HBS1L: variants seen among roughly 807,000 people sequenced by gnomAD.
The protein encoded by HBS1L is HBS1-like protein.
In HBS1L, 55 loss-of-function variants were observed where a neutral mutation model predicts 88.9. That is an observed-to-expected ratio of 0.62 (90% CI 0.50 to 0.77). The LOEUF (loss-of-function observed/expected upper bound fraction) is 0.77, where lower values mean the gene tolerates loss of function less well. Ranked by LOEUF, HBS1L falls within the 30% of genes least tolerant of loss-of-function variation. HBS1L has a pLI of 0.00. For synonymous variants in HBS1L, 267 were observed against 288.5 expected, an observed-to-expected ratio of 0.93 and a Z score of 0.76; for missense variants, 741 against 829.3, an observed-to-expected ratio of 0.89 and a Z score of 1.31.
At chr6:134,986,286 A>G (rs182466638) in intron 10 of HBS1L, 103 bp from the exon 11 acceptor site, 3 of 664,874 alleles carry the variant, frequency 4.5e-6, no homozygotes, top group Non-Finnish European at 8.0e-6. Flanking sequence ...GCAACAATGT[A>G]CTTTTTAAAA....
rs369506624 is a variant in HBS1L, at chr6:134,967,874, T to C, written c.1898+1364A>G. Among the ~76,000 whole-genome samples the C allele has an allele frequency of 1.3e-5, 2 of 152,308 alleles. 1 individual carries two copies. The highest frequency in any genetic ancestry group is 4.1e-4 in the South Asian group (2 of 4,830). On this transcript the variant is annotated intron_variant, in intron 16 of 17. Transcript: ENST00000367837. ...CAATACAGCCTAAAAATAGTGGTCCTCAAGAAATGTTAGTCATATAGTTAT... is the reference window on the plus strand; with the variant it reads ...CAATACAGCCTAAAAATAGTGGTCCCCAAGAAATGTTAGTCATATAGTTAT...
intron 4 of HBS1L, among the ~76,000 whole-genome samples, chr6:135,028,094 G>A (rs1776285515): frequency 1.3e-5 from 2 of 152,022 alleles, no homozygotes; most frequent in South Asian, 4.1e-4. Flanking sequence ...AATTAAAAAT[G>A]CATGTATGTT....
At chr6:134,978,931 A>T in intron 14 of HBS1L, 144 bp from the exon 15 acceptor site, 1 of 628,414 alleles carries the variant, frequency 1.6e-6, no homozygotes, top group Non-Finnish European at 2.8e-6. Context: ...GAGCTAAAGC[A>T]TGACTTTAAA....
In HBS1L at chr6:134,961,352, A is replaced by G. The variant is rs1188684217; in HGVS notation, c.*3927T>C. The G allele has an allele frequency of 6.6e-6, 1 of 152,148 alleles. No individual in the cohort carries two copies. Among genetic ancestry groups the G allele is most frequent in the African/African-American group, 2.4e-5 (1 of 41,430 alleles). The allele number at this position is 152,148 out of a possible 1,614,324, so 9.4% of individuals were successfully genotyped here. ...ACATTTACACTATTAACTTATTTGTACATACTTAAATGGTTTCAGTGTGAA... is the reference window on the plus strand; with the variant it reads ...ACATTTACACTATTAACTTATTTGTGCATACTTAAATGGTTTCAGTGTGAA... On this transcript the variant is annotated 3_prime_UTR_variant, in exon 18 of 18. Coordinates refer to ENST00000367837, the MANE Select transcript of HBS1L (RefSeq NM_006620.4).
At chr6:134,987,223 T>G (rs1193633499) in intron 9 of HBS1L, among the ~76,000 whole-genome samples, 1 of 152,066 alleles carries the variant, frequency 6.6e-6, no homozygotes, top group Admixed American at 6.6e-5. Flanking sequence ...AGAAAATTAT[T>G]TTTTAAAAAG....
chr6:135,012,577 A>G lies in HBS1L; in HGVS notation c.431-9735T>C, dbSNP rs115866478. Among the ~76,000 whole-genome samples, 466 of 152,158 alleles carry G rather than the reference A, an allele frequency of 3.1e-3. 1 individual carries two copies. The highest frequency in any genetic ancestry group is 0.011 in the African/African-American group (456 of 41,500). On this transcript the variant is annotated intron_variant, in intron 4 of 17. Coordinates refer to ENST00000367837, the MANE Select transcript of HBS1L (RefSeq NM_006620.4). ...TTCATCATCTCAGCTAATAAAATAT[A>G]CTCTGTAGCTCTGTACAGAAAAAAT...
At chr6:135,009,934 T>C (rs1327701254) in intron 4 of HBS1L, among the ~76,000 whole-genome samples, 1 of 152,000 alleles carries the variant, frequency 6.6e-6, no homozygotes, top group Admixed American at 6.6e-5. Context: ...CCGGCCTAAA[T>C]ATTCTTTGGA....
At chr6:135,038,058 G>T in intron 4 of HBS1L, 1 of 1,445,058 alleles carries the variant, frequency 6.9e-7, no homozygotes, top group Non-Finnish European at 9.1e-7. Context: ...ATTTTCAGAT[G>T]AATAGGTTGA....
intron 2 of HBS1L, among the ~76,000 whole-genome samples, chr6:135,044,782 A>G (rs1776858092): frequency 6.6e-6 from 1 of 152,080 alleles, no homozygotes; most frequent in Non-Finnish European, 1.5e-5. Context: ...TTCTCCTCCT[A>G]CCCATGAACT....
chr6:134,965,843 AAG>A (rs1774298359), intron 17 of HBS1L, among the ~76,000 whole-genome samples: 1 of 152,210 alleles, frequency 6.6e-6, no homozygotes, highest in African/African-American at 2.4e-5. Flanking sequence ...AGCAACTTAA[AAG>A]AAAGATTTTT....
At chr6:135,050,694 T>C (rs1480538695) in intron 1 of HBS1L, 47 bp from the exon 2 acceptor site, 1 of 1,203,148 alleles carries the variant, frequency 8.3e-7, no homozygotes, top group East Asian at 2.5e-5. Flanking sequence ...GTTCTTTTTA[T>C]ATTCTTAGTT....
At chr6:135,000,040 C>CT (rs1192508703) in intron 5 of HBS1L, among the ~76,000 whole-genome samples, 5 of 151,246 alleles carry the variant, frequency 3.3e-5, no homozygotes, top group Non-Finnish European at 2.9e-5. Context: ...ATTTTGTAAG[C>CT]TTTTTTTCTT....
chr6:134,967,235 T>G (rs1202217310), intron 16 of HBS1L, among the ~76,000 whole-genome samples: 1 of 152,232 alleles, frequency 6.6e-6, no homozygotes, highest in African/African-American at 2.4e-5. Context: ...TTTTCTAATT[T>G]AATTTTTATG....
chr6:135,035,701 A>C (rs1776517799), intron 4 of HBS1L, among the ~76,000 whole-genome samples: 1 of 141,994 alleles, frequency 7.0e-6, no homozygotes, highest in African/African-American at 2.6e-5. Context: ...CAGTGAGCAG[A>C]GATCGCGCCA....
rs776801268 is a variant in HBS1L at position 134,960,871 on chromosome 6, C to T, written c.*4408G>A. On this transcript the variant is annotated 3_prime_UTR_variant, in exon 18 of 18. Transcript: ENST00000367837. ...CACCCAACGGATCAGTTATTTTTGT[C>T]TCCCCAGTACATCTGTGCCCTTTCT... The T allele has an allele frequency of 6.6e-6, 1 of 152,106 alleles. No individual in the cohort carries two copies. Among genetic ancestry groups the T allele is most frequent in the Non-Finnish European group, 1.5e-5 (1 of 68,006 alleles). 9.4% of individuals were successfully genotyped at this position (152,106 alleles called of 1,614,324 possible). A position where few individuals can be genotyped will look rare whatever the true frequency, so the allele number is the denominator to read the frequency against.
intron 2 of HBS1L, among the ~76,000 whole-genome samples, chr6:135,048,730 C>A (rs2114926123): frequency 6.6e-6 from 1 of 152,276 alleles, no homozygotes; most frequent in East Asian, 1.9e-4. Context: ...GTTAAATGTT[C>A]TCTGATAAAA....
At chr6:134,974,850 C>T (rs1442770044) in intron 15 of HBS1L, among the ~76,000 whole-genome samples, 1 of 152,060 alleles carries the variant, frequency 6.6e-6, no homozygotes, top group Non-Finnish European at 1.5e-5. Flanking sequence ...AGAACTGAAA[C>T]AAGACAAGGA....
At chr6:135,039,980 TAATAA>T (rs547431151) in intron 3 of HBS1L, among the ~76,000 whole-genome samples, 31 of 152,364 alleles carry the variant, frequency 2.0e-4, no homozygotes, top group African/African-American at 7.2e-4. Context: ...AAAATCACTA[TAATAA>T]AATGTCTCCT....
chr6:135,050,707 T>C (rs1444369662), intron 1 of HBS1L, 60 bp from the exon 2 acceptor site: 7 of 1,059,644 alleles, frequency 6.6e-6, no homozygotes, highest in Non-Finnish European at 9.8e-6. Flanking sequence ...TCTTAGTTAC[T>C]AGTGAGGAAG....
Sources: allele counts gnomAD v4.1 joint callset (sites outside exome capture counted in the v4.1 genomes callset), GRCh38; gene constraint gnomAD v4.1.1; transcripts MANE v1.5; gene names NCBI Gene and HGNC (gene_info 2026-07-23, HGNC 2026-07-21).